The following PALMD variants were observed in gnomAD, a reference collection of about 807,000 sequenced individuals.
The protein encoded by PALMD is palmdelphin.
A neutral mutation model predicts 56.2 loss-of-function variants in PALMD; 42 were observed. The observed-to-expected ratio is 0.75, with a 90% CI of 0.58 to 0.97. The LOEUF is 0.97. Among genes scored for constraint, PALMD ranks in the 50% least tolerant of loss-of-function variants. PALMD has a pLI of 0.00. For synonymous variants in PALMD, 242 were observed against 222.9 expected (o/e 1.09, Z -0.76); for missense variants, 660 against 643.8 (o/e 1.03, Z -0.27).
chr1:99,649,699 C>A (rs947106015), intron 1 of PALMD, among the ~76,000 whole-genome samples: 1 of 152,086 alleles, frequency 6.6e-6, no homozygotes, highest in Non-Finnish European at 1.5e-5. Context: ...ATGCCTACAG[C>A]GACATTGGAA....
intron 7 of PALMD, 94 bp downstream of exon 7, chr1:99,689,966 C>A: frequency 8.6e-7 from 1 of 1,161,668 alleles, no homozygotes; most frequent in Non-Finnish European, 1.2e-6. Flanking sequence ...TCTCTGACCA[C>A]CTCATAAACT....
intron 3 of PALMD, among the ~76,000 whole-genome samples, chr1:99,671,107 G>A (rs576083713): frequency 8.4e-4 from 128 of 152,278 alleles, no homozygotes; most frequent in Admixed American, 2.2e-3. Flanking sequence ...CTCAAACTCT[G>A]AATGTGATTT....
Position 99,689,650 on chromosome 1 carries a change from C to T in PALMD, c.1390C>T (p.His464Tyr), listed in dbSNP as rs964105001. The change falls in exon 7 of 8, where the codon CAC becomes TAC. Residue 464 changes from histidine to tyrosine, a missense_variant. Physicochemically the swap from His to Tyr is moderately conservative, Grantham distance 83. Transcript: ENST00000263174. Reference sequence around the variant, plus strand: ...AGGAGAAGCAGAGAAACCGTCCTACCACCCCATAGCTCCCCATAGTCAGGT... The same window carrying T: ...AGGAGAAGCAGAGAAACCGTCCTACTACCCCATAGCTCCCCATAGTCAGGT... Reference protein sequence around the residue: ...DEGEAEKPSYHPIAPHSQVYQ... With the variant: ...DEGEAEKPSYYPIAPHSQVYQ... The T allele has an allele frequency of 2.5e-6, 4 of 1,613,506 alleles. No homozygotes were observed. The highest frequency in any genetic ancestry group is 2.2e-5 in the East Asian group (1 of 44,852).
chr1:99,688,131 C>A (rs1491000657), intron 6 of PALMD, among the ~76,000 whole-genome samples: 1 of 152,024 alleles, frequency 6.6e-6, no homozygotes, highest in East Asian at 1.9e-4. Flanking sequence ...TTTAGCCCTT[C>A]CTCTACTTGA....
At chr1:99,665,938 A>T (rs1452876579) in intron 2 of PALMD, among the ~76,000 whole-genome samples, 1 of 152,194 alleles carries the variant, frequency 6.6e-6, no homozygotes, top group African/African-American at 2.4e-5. Flanking sequence ...GCTATAATAA[A>T]TGGTTAAGAT....
chr1:99,688,669 C>T (rs1224572877), intron 6 of PALMD, 106 bp from the exon 7 acceptor site: 2 of 711,004 alleles, frequency 2.8e-6, no homozygotes, highest in South Asian at 4.1e-5. Context: ...ATCTCACATA[C>T]AAGAACATGA....
chr1:99,680,881 C>G (rs967025941), intron 3 of PALMD, among the ~76,000 whole-genome samples: 5 of 151,676 alleles, frequency 3.3e-5, no homozygotes, highest in African/African-American at 1.2e-4. Flanking sequence ...TCTGGAAAAC[C>G]TCTTCCTGAT....
intron 1 of PALMD, among the ~76,000 whole-genome samples, chr1:99,654,151 C>T (rs570946475): frequency 6.6e-6 from 1 of 152,276 alleles, no homozygotes; most frequent in South Asian, 2.1e-4. Context: ...AATCACGTGA[C>T]TTGAGAAAGT....
rs1557676066 is a variant in PALMD, at chr1:99,689,607, TGAG to T, written c.1359_1361del (p.Glu453del). On this transcript the variant is annotated inframe_deletion, in exon 7 of 8. Transcript: ENST00000263174. ...ATGCTGAGCTGGTTGTGATTGATGA[TGAG>T]GAGGAGGAGGATGAAGGAGAAGCAG... is the stretch of plus-strand genomic sequence containing the variant. The T allele has an allele frequency of 1.3e-5, 21 of 1,613,534 alleles. No homozygotes were observed. The highest frequency in any genetic ancestry group is 4.4e-5 in the South Asian group (4 of 91,072).
chr1:99,676,587 A>G (rs1368475679), intron 3 of PALMD, among the ~76,000 whole-genome samples: 2 of 151,992 alleles, frequency 1.3e-5, no homozygotes, highest in African/African-American at 4.8e-5. Context: ...ATTCCACTCT[A>G]TATGTCCATA....
intron 3 of PALMD, among the ~76,000 whole-genome samples, chr1:99,674,387 G>A (rs767022441): frequency 6.6e-6 from 1 of 152,136 alleles, no homozygotes; most frequent in African/African-American, 2.4e-5. Flanking sequence ...TCTGAGGGAA[G>A]TCTAATTAGC....
At chr1:99,666,130 G>A (rs1652953538) in intron 2 of PALMD, among the ~76,000 whole-genome samples, 1 of 152,042 alleles carries the variant, frequency 6.6e-6, no homozygotes, top group African/African-American at 2.4e-5. Flanking sequence ...GTATCCATAA[G>A]CTTTCAGGCC....
chr1:99,655,771 T>C (rs1652709762), intron 1 of PALMD, among the ~76,000 whole-genome samples: 1 of 152,206 alleles, frequency 6.6e-6, no homozygotes, highest in Non-Finnish European at 1.5e-5. Context: ...CTTTAGACAT[T>C]TTTGTTCTAC....
chr1:99,670,873 G>A (rs1653068475), intron 3 of PALMD, among the ~76,000 whole-genome samples: 1 of 152,168 alleles, frequency 6.6e-6, no homozygotes, highest in Middle Eastern at 3.4e-3. Context: ...CTTCTCAGAT[G>A]TTTGTAAAGC....
At chr1:99,676,794 A>G (rs1054804823) in intron 3 of PALMD, among the ~76,000 whole-genome samples, 2 of 152,178 alleles carry the variant, frequency 1.3e-5, no homozygotes, top group Non-Finnish European at 2.9e-5. Context: ...AAAAAAAGAA[A>G]AAAAAAGCTC....
At chr1:99,673,490 G>A (rs1262330140) in intron 3 of PALMD, among the ~76,000 whole-genome samples, 2 of 151,558 alleles carry the variant, frequency 1.3e-5, no homozygotes, top group African/African-American at 4.9e-5. Context: ...GAAAAAAAAA[G>A]AGGCGAAAAA....
At chr1:99,677,812 C>T (rs538954916) in intron 3 of PALMD, among the ~76,000 whole-genome samples, 3 of 152,186 alleles carry the variant, frequency 2.0e-5, no homozygotes, top group African/African-American at 7.2e-5. Flanking sequence ...AGAGAGGAAA[C>T]GACAGGTTGT....
intron 1 of PALMD, among the ~76,000 whole-genome samples, chr1:99,650,808 C>T (rs1408919951): frequency 6.6e-6 from 1 of 152,178 alleles, no homozygotes; most frequent in Non-Finnish European, 1.5e-5. Context: ...CTTCTGTATT[C>T]CAGACTGGCC....
At chr1:99,671,079 C>A (rs903448798) in intron 3 of PALMD, among the ~76,000 whole-genome samples, 6 of 152,082 alleles carry the variant, frequency 3.9e-5, no homozygotes, top group African/African-American at 1.4e-4. Flanking sequence ...ACTCACAATC[C>A]CTAAGCAGGG....
Sources: allele counts gnomAD v4.1 joint callset (sites outside exome capture counted in the v4.1 genomes callset), GRCh38; gene constraint gnomAD v4.1.1; transcripts MANE v1.5; gene names NCBI Gene and HGNC (gene_info 2026-07-23, HGNC 2026-07-21).